PPA1: variants seen among roughly 807,000 people sequenced by gnomAD.
The protein encoded by PPA1 is inorganic pyrophosphatase 1.
PPA1 carries 23 observed loss-of-function variants against 41.8 expected under a neutral mutation model. That is an observed-to-expected ratio of 0.55 (90% confidence interval 0.40 to 0.78). PPA1 has a LOEUF of 0.78. Among genes scored for constraint, PPA1 ranks in the 30% least tolerant of loss-of-function variants. The pLI, the probability that PPA1 is intolerant of heterozygous loss-of-function variation, is 0.00. For missense variants in PPA1, 320 were observed against 361.6 expected (o/e 0.89, Z 0.93); for synonymous variants, 101 against 116.8 (o/e 0.86, Z 0.87).
At chr10:70,227,315 T>C (rs947421948) in intron 2 of PPA1, among the ~76,000 whole-genome samples, 2 of 152,204 alleles carry the variant, frequency 1.3e-5, no homozygotes, top group African/African-American at 4.8e-5. Flanking sequence ...GCTGGACTGA[T>C]TACCTAATGG....
At chr10:70,210,372 T>C (rs1177831899) in intron 6 of PPA1, 1 of 1,365,282 alleles carries the variant, frequency 7.3e-7, no homozygotes, top group African/African-American at 1.5e-5. Context: ...GTACTATCCC[T>C]GGTCCAGAGG....
chr10:70,210,441 T>C (rs559281909), intron 6 of PPA1: 5 of 1,362,794 alleles, frequency 3.7e-6, no homozygotes, highest in South Asian at 3.4e-5. Context: ...GAAAAATAGA[T>C]TAGATTGATA....
intron 1 of PPA1, among the ~76,000 whole-genome samples, chr10:70,231,504 T>C (rs1385185343): frequency 6.6e-6 from 1 of 152,230 alleles, no homozygotes; most frequent in Non-Finnish European, 1.5e-5. Flanking sequence ...GAGGCTGAAG[T>C]TGCAATGAGC....
intron 2 of PPA1, among the ~76,000 whole-genome samples, chr10:70,229,537 C>T (rs1188969228): frequency 6.6e-6 from 1 of 152,204 alleles, no homozygotes; most frequent in Non-Finnish European, 1.5e-5. Flanking sequence ...CTGGTGTATA[C>T]AGGAACAGCT....
chr10:70,221,076 A>ATATATTT (rs1224550178), intron 2 of PPA1, among the ~76,000 whole-genome samples: 2 of 40,050 alleles, frequency 5.0e-5, no homozygotes, highest in East Asian at 7.2e-4. Context: ...ATATATATAT[A>ATATATTT]TTTTTTTTTT....
chr10:70,203,022 T>A lies in PPA1; in HGVS notation c.*133A>T, dbSNP rs1839899775. ...GGATAACATTCTGAGTATATTGGAT[T>A]AGTCACAGCAGAATTTACTTTAGTT... On this transcript the variant is annotated 3_prime_UTR_variant, in exon 11 of 11. Coordinates refer to ENST00000373232, the MANE Select transcript of PPA1 (RefSeq NM_021129.4). 3.5e-6 allele frequency: 3 copies of A among 846,194 alleles called. No homozygotes were observed. The highest frequency in any genetic ancestry group is 4.5e-5 in the Admixed American group (2 of 44,522). 52.4% of individuals were successfully genotyped at this position (846,194 alleles called of 1,614,324 possible). A position where few individuals can be genotyped will look rare whatever the true frequency, so the allele number is the denominator to read the frequency against.
intron 2 of PPA1, among the ~76,000 whole-genome samples, chr10:70,221,579 T>G (rs1840169479): frequency 6.6e-6 from 1 of 152,176 alleles, no homozygotes; most frequent in Non-Finnish European, 1.5e-5. Flanking sequence ...TTGACTAAAT[T>G]TCACCTTGTC....
intron 9 of PPA1, 89 bp from the exon 10 acceptor site, chr10:70,205,004 A>G: frequency 1.1e-6 from 1 of 952,184 alleles, no homozygotes; most frequent in Non-Finnish European, 1.6e-6. Flanking sequence ...AGAGAATCTG[A>G]AGACTATCCC....
intron 2 of PPA1, among the ~76,000 whole-genome samples, chr10:70,224,668 C>G (rs1354415111): frequency 2.0e-5 from 3 of 152,090 alleles, no homozygotes. Flanking sequence ...AATTACAGCA[C>G]GTCTTTAAAT....
chr10:70,220,214 G>A (rs1317523880), intron 2 of PPA1, among the ~76,000 whole-genome samples: 1 of 148,852 alleles, frequency 6.7e-6, no homozygotes, highest in East Asian at 2.0e-4. Flanking sequence ...ACAGGTGTAA[G>A]CCACCGCACC....
At chr10:70,209,732 AAAAG>A (rs1839993958) in intron 6 of PPA1, 47 bp from the exon 7 acceptor site, 5 of 1,523,416 alleles carry the variant, frequency 3.3e-6, no homozygotes, top group Middle Eastern at 1.7e-4. Flanking sequence ...GATTTTTTTA[AAAAG>A]AAAGAAGAGA....
At chr10:70,224,778 TG>T (rs146539912) in intron 2 of PPA1, among the ~76,000 whole-genome samples, 99 of 152,372 alleles carry the variant, frequency 6.5e-4, no homozygotes, top group African/African-American at 2.3e-3. Flanking sequence ...TTACCCAGGC[TG>T]GAGCACAATG....
intron 8 of PPA1, among the ~76,000 whole-genome samples, chr10:70,207,172 C>G (rs1839955219): frequency 6.6e-6 from 1 of 151,970 alleles, no homozygotes; most frequent in Admixed American, 6.6e-5. Context: ...AGAACCCAAT[C>G]CAATACTGAA....
At chr10:70,207,117 C>T (rs186359534) in intron 8 of PPA1, among the ~76,000 whole-genome samples, 182 of 152,048 alleles carry the variant, frequency 1.2e-3, no homozygotes, top group African/African-American at 4.2e-3. Flanking sequence ...GTATCCAAAA[C>T]CTTTTAAAAA....
At chr10:70,214,806 G>A (rs1840060823) in intron 4 of PPA1, among the ~76,000 whole-genome samples, 1 of 151,548 alleles carries the variant, frequency 6.6e-6, no homozygotes, top group African/African-American at 2.4e-5. Flanking sequence ...CTTTAAAACA[G>A]ATAATGATCC....
chr10:70,209,614 C>T lies in PPA1; in HGVS notation c.583G>A (p.Val195Ile), dbSNP rs1353127596. 2.5e-6 allele frequency: 4 copies of T among 1,608,608 alleles called. No individual in the cohort carries two copies. The highest frequency in any genetic ancestry group is 1.1e-5 in the South Asian group (1 of 89,564). Residue 195 changes from valine (V) to isoleucine (I), a missense_variant, in exon 7 of 11, where the codon GTT becomes ATT. Val to Ile is a conservative substitution (Grantham distance 29). Coordinates refer to ENST00000373232, the MANE Select transcript of PPA1 (RefSeq NM_021129.4). ...TCATTTTCTGGTTTTCCATCAGGAA[C>T]CTTATACCTTCTAAACCAGTCCACA... Reference protein sequence around the residue: ...ATVDWFRRYKVPDGKPENEFA... With the variant: ...ATVDWFRRYKIPDGKPENEFA...
At chr10:70,207,405 A>T (rs542417004) in intron 8 of PPA1, among the ~76,000 whole-genome samples, 122 of 152,284 alleles carry the variant, frequency 8.0e-4, no homozygotes, top group Non-Finnish European at 1.6e-3. Context: ...GGTGGCTCGC[A>T]TCTGTAGTCT....
At chr10:70,222,151 C>T (rs540322065) in intron 2 of PPA1, among the ~76,000 whole-genome samples, 1 of 151,762 alleles carries the variant, frequency 6.6e-6, no homozygotes, top group South Asian at 2.1e-4. Context: ...CTGGCTAACA[C>T]AGTGAAAAAC....
chr10:70,205,274 G>A (rs888352650), intron 9 of PPA1: 1 of 155,468 alleles, frequency 6.4e-6, no homozygotes, highest in Non-Finnish European at 1.4e-5. Context: ...CTGCTCGGGA[G>A]GCTGAGGCAG....
Sources: gnomAD v4.1 joint callset for allele counts (sites outside exome capture counted in the v4.1 genomes callset) on GRCh38, gnomAD v4.1.1 for gene constraint, MANE v1.5 for transcripts, NCBI Gene and HGNC (gene_info 2026-07-23, HGNC 2026-07-21) for gene names.